The following ATP6V0D1 variants were observed in gnomAD, a reference collection of about 807,000 sequenced individuals.
ATP6V0D1 encodes the protein ATPase H+ transporting V0 subunit d1.
A neutral mutation model predicts 39.0 loss-of-function variants in ATP6V0D1; 13 were observed. The ratio of observed to expected loss-of-function variants is 0.33; its 90% CI spans 0.22 to 0.53. ATP6V0D1 has a LOEUF of 0.53. ATP6V0D1 is among the 20% of genes least tolerant of loss of function. The probability of loss-of-function intolerance (pLI) is 0.94; values close to 1 mark genes in which losing one functional copy is unlikely to be tolerated. For missense variants in ATP6V0D1, 272 were observed against 470.9 expected, an observed-to-expected ratio of 0.58 and a Z score of 3.91; for synonymous variants, 191 against 191.2, an observed-to-expected ratio of 1.00 and a Z score of 0.01.
chr16:67,462,888 C>T (rs2041299716), intron 1 of ATP6V0D1, among the ~76,000 whole-genome samples: 1 of 151,992 alleles, frequency 6.6e-6, no homozygotes, highest in Admixed American at 6.6e-5. Flanking sequence ...CTGGCCTGCA[C>T]CACCTGAGCA....
Position 67,447,665 on chromosome 16 carries a change from G to A in ATP6V0D1, c.303-2959C>T, listed in dbSNP as rs1196974712. Among the ~76,000 whole-genome samples, 2 of 152,224 alleles carry A rather than the reference G, an allele frequency of 1.3e-5. No homozygotes were observed. Among genetic ancestry groups the A allele is most frequent in the African/African-American group, 4.8e-5 (2 of 41,460 alleles). On this transcript the variant is annotated intron_variant, in intron 2 of 7. Transcript: ENST00000290949. This position sits in a 1 kb window ranked among gnomAD's most constrained non-coding sequence, Gnocchi z 4.1. ...CTGCCCAGAGGCCCTCCCTTGCCCT[G>A]TGCCTTCAAAACTCAGCTTGGGCCC...
intron 1 of ATP6V0D1, among the ~76,000 whole-genome samples, chr16:67,474,338 G>C (rs771569915): frequency 1.3e-5 from 2 of 152,196 alleles, no homozygotes; most frequent in African/African-American, 2.4e-5. Context: ...CACAAAACCA[G>C]TTAAGTGGCT....
chr16:67,455,155 G>A (rs930265161), intron 1 of ATP6V0D1: 2 of 152,214 alleles, frequency 1.3e-5, no homozygotes, highest in African/African-American at 4.8e-5. Flanking sequence ...CTGCCCAGGG[G>A]ATCAAAGGCG....
At chr16:67,469,761 T>A (rs1404110147) in intron 1 of ATP6V0D1, among the ~76,000 whole-genome samples, 1 of 152,226 alleles carries the variant, frequency 6.6e-6, no homozygotes, top group Non-Finnish European at 1.5e-5. Flanking sequence ...AATATCTTTA[T>A]TGAATGTATC....
intron 1 of ATP6V0D1, among the ~76,000 whole-genome samples, chr16:67,476,665 A>G (rs544272367): frequency 3.3e-5 from 5 of 152,320 alleles, no homozygotes; most frequent in Admixed American, 3.3e-4. Context: ...CGATGAAACG[A>G]TGGCTTCAGT....
rs115627957 is a variant in ATP6V0D1, at chr16:67,460,058, A to C, written c.131-6343T>G. Among the ~76,000 whole-genome samples the C allele has an allele frequency of 2.8e-3, 422 of 152,272 alleles. 4 individuals are homozygous for C. Among genetic ancestry groups the C allele is most frequent in the African/African-American group, 9.9e-3 (412 of 41,542 alleles). ...CCTGGGGAGCTCAGGGGTTTTCAGG[A>C]ATTGAGGCCCACTGAATGGAACCAG... On this transcript the variant is annotated intron_variant, in intron 1 of 7. Transcript: ENST00000290949.
intron 1 of ATP6V0D1, among the ~76,000 whole-genome samples, chr16:67,477,083 A>G (rs2041421355): frequency 6.6e-6 from 1 of 151,642 alleles, no homozygotes; most frequent in South Asian, 2.1e-4. Context: ...TTACAAAAAA[A>G]AAAAAAAAAG....
At chr16:67,471,398 C>A (rs1284460740) in intron 1 of ATP6V0D1, among the ~76,000 whole-genome samples, 2 of 152,118 alleles carry the variant, frequency 1.3e-5, no homozygotes, top group African/African-American at 2.4e-5. Context: ...CCATGTTGCC[C>A]AGGGTGGTCT....
At chr16:67,467,281 C>A (rs536461921) in intron 1 of ATP6V0D1, among the ~76,000 whole-genome samples, 410 of 152,180 alleles carry the variant, frequency 2.7e-3, no homozygotes, top group African/African-American at 9.6e-3. Context: ...CCGAGGTGGG[C>A]GGATCACGAG....
At chr16:67,464,575 A>C (rs1481855155) in intron 1 of ATP6V0D1, among the ~76,000 whole-genome samples, 2 of 152,184 alleles carry the variant, frequency 1.3e-5, no homozygotes, top group African/African-American at 2.4e-5. Flanking sequence ...TGGCCTGGAT[A>C]CCCATGGAAC....
chr16:67,460,173 C>T (rs1459697915), intron 1 of ATP6V0D1, among the ~76,000 whole-genome samples: 1 of 152,210 alleles, frequency 6.6e-6, no homozygotes, highest in African/African-American at 2.4e-5. Flanking sequence ...CTACCACTCC[C>T]CTGGGCCTGG....
At position 67,444,020 on chromosome 16, in the gene ATP6V0D1, C is replaced by A. The variant is rs558369518; in HGVS notation, c.481+508G>T. On this transcript the variant is annotated intron_variant, in intron 3 of 7. Transcript: ENST00000290949. This position sits in a 1 kb window ranked among gnomAD's most constrained non-coding sequence, Gnocchi z 4.8. ...AGGGCTCTGCAGGAAGCTCTTGATT[C>A]CCCTTCCCTGGCTTCTGATACGGAC... Among the ~76,000 whole-genome samples, 2 of 152,364 alleles carry A rather than the reference C, an allele frequency of 1.3e-5. No homozygotes were observed. Among genetic ancestry groups the A allele is most frequent in the East Asian group, 1.9e-4 (1 of 5,186 alleles).
At chr16:67,463,042 A>C (rs1410241453) in intron 1 of ATP6V0D1, among the ~76,000 whole-genome samples, 1 of 152,170 alleles carries the variant, frequency 6.6e-6, no homozygotes. Context: ...AGTGAGAATA[A>C]GCAGGTCAGG....
intron 1 of ATP6V0D1, among the ~76,000 whole-genome samples, chr16:67,467,254 C>T (rs1165496260): frequency 6.6e-6 from 1 of 152,178 alleles, no homozygotes; most frequent in Non-Finnish European, 1.5e-5. Flanking sequence ...TGCCTGTAAT[C>T]TCAGCACTTT....
chr16:67,444,569 G>C lies in ATP6V0D1; in HGVS notation c.440C>G (p.Pro147Arg). ...CAGAATGGCATTGTAGAGCTCAGCAGGTGTCTGAGCAATGTTCACGGCCTC... is the reference window on the plus strand; with the variant it reads ...CAGAATGGCATTGTAGAGCTCAGCACGTGTCTGAGCAATGTTCACGGCCTC... ...QMEAVNIAQT[P>R]AELYNAILVD... The change falls in exon 3 of 8, where the codon CCT becomes CGT. Residue 147 changes from proline to arginine, a missense_variant. Physicochemically the swap from Pro to Arg is moderately radical, Grantham distance 103. This residue lies in a region of ATP6V0D1 where 135 missense variants were observed against 273.8 expected (regional missense o/e 0.49). Coordinates refer to ENST00000290949, the MANE Select transcript of ATP6V0D1 (RefSeq NM_004691.5). The surrounding 1 kb of genome is among the most constrained non-coding windows in gnomAD (Gnocchi z 4.8). The C allele has an allele frequency of 6.2e-7, 1 of 1,612,488 alleles. No homozygotes were observed. The highest frequency in any genetic ancestry group is 8.5e-7 in the Non-Finnish European group (1 of 1,178,836).
chr16:67,459,813 G>A lies in ATP6V0D1; in HGVS notation c.131-6098C>T, dbSNP rs144990023. On this transcript the variant is annotated intron_variant, in intron 1 of 7. Transcript: ENST00000290949. ...GAGGCAGAAAGGAGGGTCCTGGCCC[G>A]TGCCAGGGGGTTGGTCCCACATGCC... 3.4e-3 allele frequency among the ~76,000 whole-genome samples: 520 copies of A among 152,344 alleles called. 3 individuals carry two copies. The highest frequency in any genetic ancestry group is 5.0e-3 in the South Asian group (24 of 4,834).
At chr16:67,459,246 C>A (rs1355557723) in intron 1 of ATP6V0D1, 1 of 985,510 alleles carries the variant, frequency 1.0e-6, no homozygotes. Flanking sequence ...TTCTCAGGCC[C>A]ATAGAGAGGC....
At chr16:67,470,211 T>C (rs1383961314) in intron 1 of ATP6V0D1, among the ~76,000 whole-genome samples, 2 of 152,152 alleles carry the variant, frequency 1.3e-5, no homozygotes, top group Non-Finnish European at 2.9e-5. Context: ...ATCTTATAAG[T>C]TGGGTTGCAG....
At chr16:67,458,480 G>C (rs1358712730) in intron 1 of ATP6V0D1, among the ~76,000 whole-genome samples, 2 of 152,188 alleles carry the variant, frequency 1.3e-5, no homozygotes, top group Non-Finnish European at 2.9e-5. Context: ...CAGCCTCAGT[G>C]ATGGCCACTG....
Sources: gnomAD v4.1 joint callset for allele counts (sites outside exome capture counted in the v4.1 genomes callset) on GRCh38, gnomAD v4.1.1 for gene constraint, gnomAD v4.1.1 regional missense constraint, Gnocchi (gnomAD v3.1) non-coding constraint, MANE v1.5 for transcripts, NCBI Gene and HGNC (gene_info 2026-07-23, HGNC 2026-07-21) for gene names.